The following ZNF366 variants were observed in gnomAD, a reference collection of about 807,000 sequenced individuals.
ZNF366 encodes the protein dendritic cell-specific transcript protein.
A neutral mutation model predicts 47.2 loss-of-function variants in ZNF366; 20 were observed. The observed-to-expected ratio is 0.42, with a 90% CI of 0.30 to 0.62. ZNF366 has a LOEUF of 0.62. ZNF366 is among the 20% of genes least tolerant of loss of function. The pLI, the probability that ZNF366 is intolerant of heterozygous loss-of-function variation, is 0.16. For synonymous variants in ZNF366, 421 were observed against 395.1 expected, an observed-to-expected ratio of 1.07 and a Z score of -0.78; for missense variants, 987 against 976.3, an observed-to-expected ratio of 1.01 and a Z score of -0.15.
chr5:72,452,448 C>A (rs1008720230), intron 3 of ZNF366, among the ~76,000 whole-genome samples: 12 of 152,180 alleles, frequency 7.9e-5, no homozygotes, highest in Non-Finnish European at 1.8e-4. Flanking sequence ...GGCTTTGCTG[C>A]CAAAAGGCTG....
intron 1 of ZNF366, chr5:72,493,684 AT>A (rs1012132012): frequency 6.6e-6 from 1 of 152,178 alleles, no homozygotes; most frequent in African/African-American, 2.4e-5. Context: ...AAATAAACCC[AT>A]TTTGCACATT....
chr5:72,447,295 T>C lies in ZNF366; in HGVS notation c.1647A>G (p.Thr549=). 6.2e-7 allele frequency: 1 copy of C among 1,614,200 alleles called. No homozygotes were observed. Among genetic ancestry groups the C allele is most frequent in the Non-Finnish European group, 8.5e-7 (1 of 1,180,032 alleles). Residue 549 remains threonine, a synonymous_variant, in exon 4 of 5, where the codon ACA becomes ACG. Coordinates refer to ENST00000318442, the MANE Select transcript of ZNF366 (RefSeq NM_152625.3). ...CTCCATGCTTGACTTTCATGTGGCG[T>C]GTCAGGTTCCCCTTCAGGGTGAATT... ...PSKFTLKGNL[T]RHMKVKHGVM...
chr5:72,460,711 G>A lies in ZNF366; in HGVS notation c.786C>T (p.Tyr262=). Residue 262 remains tyrosine, a synonymous_variant, in exon 2 of 5, where the codon TAC becomes TAT. Transcript: ENST00000318442. ...GGGTGACCAGGTTGTACTTGGAGGT[G>A]TAGGACTTCTCGCAGGTGGGGCACT... ...RWQCPTCEKS[Y]TSKYNLVTHI... 1 of 1,614,252 alleles carries A rather than the reference G, an allele frequency of 6.2e-7. No individual in the cohort carries two copies. Among genetic ancestry groups the A allele is most frequent in the Non-Finnish European group, 8.5e-7 (1 of 1,180,038 alleles).
At position 72,501,954 on chromosome 5, in the gene ZNF366, A is replaced by G. The variant is rs150027068; in HGVS notation, c.-15+5297T>C. Among the ~76,000 whole-genome samples, 26 of 152,352 alleles carry G rather than the reference A, an allele frequency of 1.7e-4. 1 individual carries two copies. In the East Asian group the frequency reaches 5.0e-3, roughly 29 times the overall value. On this transcript the variant is annotated intron_variant, in intron 1 of 4. Transcript: ENST00000318442. Reference sequence around the variant, plus strand: ...ATGCACACAACAGCAGAACAAGCCCATATAGTTCCAGTCAATTCAGGTGAG... The same window carrying G: ...ATGCACACAACAGCAGAACAAGCCCGTATAGTTCCAGTCAATTCAGGTGAG...
chr5:72,493,918 CTTTTTTTT>C (rs70999281), intron 1 of ZNF366, among the ~76,000 whole-genome samples: 4 of 62,528 alleles, frequency 6.4e-5, no homozygotes, highest in Non-Finnish European at 8.2e-5. Flanking sequence ...CCATGCCCAG[CTTTTTTTT>C]TTTTTTTTTT....
chr5:72,464,787 G>T (rs776471176), intron 1 of ZNF366, among the ~76,000 whole-genome samples: 1 of 152,248 alleles, frequency 6.6e-6, no homozygotes, highest in South Asian at 2.1e-4. Context: ...TCGGCTGGGC[G>T]CAATGGCTCA....
At position 72,447,395 on chromosome 5, in the gene ZNF366, C is replaced by T. The variant is rs764270932; in HGVS notation, c.1547G>A (p.Arg516Gln). The T allele has an allele frequency of 3.7e-6, 6 of 1,614,022 alleles. No homozygotes were observed. In the Admixed American group the frequency reaches 5.0e-5, roughly 13 times the overall value. The change falls in exon 4 of 5, where the codon CGG (arginine) becomes CAG (glutamine). Residue 516 changes from arginine (R) to glutamine (Q), a missense_variant. Transcript: ENST00000318442. ...KCKLCGKEFN[R>Q]MHNLMGHMHL... is the part of the protein sequence containing the mutation. ...CATGTGGCCCATCAGGTTGTGCATC[C>T]GGTTGAATTCCTTCCCACAAAGCTG...
chr5:72,450,239 A>G (rs960347669), intron 3 of ZNF366, among the ~76,000 whole-genome samples: 19 of 152,222 alleles, frequency 1.2e-4, no homozygotes, highest in African/African-American at 4.8e-5. Flanking sequence ...TACTATTGTG[A>G]CAATGATCAA....
intron 1 of ZNF366, among the ~76,000 whole-genome samples, chr5:72,491,234 A>T (rs1026081362): frequency 6.6e-6 from 1 of 152,256 alleles, no homozygotes; most frequent in Non-Finnish European, 1.5e-5. Context: ...GTGGCCAAAG[A>T]CACATCATTG....
intron 1 of ZNF366, among the ~76,000 whole-genome samples, chr5:72,466,423 A>C (rs1157691651): frequency 6.6e-6 from 1 of 152,218 alleles, no homozygotes; most frequent in African/African-American, 2.4e-5. Context: ...CATTGCCCCG[A>C]ATCTAACATC....
intron 1 of ZNF366, among the ~76,000 whole-genome samples, chr5:72,480,823 CT>C (rs1471013315): frequency 1.3e-5 from 2 of 152,120 alleles, no homozygotes; most frequent in East Asian, 3.9e-4. Flanking sequence ...TTTCTAAAAC[CT>C]TTGGGTTCTC....
chr5:72,464,787 G>A (rs776471176), intron 1 of ZNF366, among the ~76,000 whole-genome samples: 37 of 152,248 alleles, frequency 2.4e-4, no homozygotes, highest in Non-Finnish European at 3.4e-4. Context: ...TCGGCTGGGC[G>A]CAATGGCTCA....
rs1554032904 is a variant in ZNF366, at chr5:72,484,492, A to AAT, written c.-15+22758_-15+22759insAT. ...GAGCGAGACTCCGTCTCAAAAAAAA[A>AAT]AAAAATAATAATAATAATAATAATT... On this transcript the variant is annotated intron_variant, in intron 1 of 4. Transcript: ENST00000318442. 1.1e-3 allele frequency among the ~76,000 whole-genome samples: 165 copies of AAT among 147,802 alleles called. 1 individual carries two copies. Among genetic ancestry groups the AAT allele is most frequent in the East Asian group, 4.1e-3 (21 of 5,152 alleles).
At position 72,506,635 on chromosome 5, in the gene ZNF366, G is replaced by A. The variant is rs1744322371; in HGVS notation, c.-15+616C>T. Among the ~76,000 whole-genome samples, 3 of 152,268 alleles carry A rather than the reference G, an allele frequency of 2.0e-5. No individual in the cohort carries two copies. In the South Asian group the frequency reaches 6.2e-4, roughly 32 times the overall value. Reference sequence around the variant, plus strand: ...TGGCAGATGACATCTTCCACTGACAGTGAATAATAAATTTACACTCAACCC... The same window carrying A: ...TGGCAGATGACATCTTCCACTGACAATGAATAATAAATTTACACTCAACCC... On this transcript the variant is annotated intron_variant, in intron 1 of 4. Transcript: ENST00000318442.
chr5:72,476,697 G>A (rs1441988743), intron 1 of ZNF366, among the ~76,000 whole-genome samples: 1 of 152,176 alleles, frequency 6.6e-6, no homozygotes, highest in Admixed American at 6.5e-5. Context: ...GCTCTCCCCT[G>A]GCAGCAGTGG....
At position 72,460,533 on chromosome 5, in the gene ZNF366, T is replaced by C. The variant is rs775203038; in HGVS notation, c.964A>G (p.Ser322Gly). Reference sequence around the variant, plus strand: ...TGCATCATGTGGCGCTTCAGGTGGCTGGTCTGGGTGAAGGCCTTGTGGCAC... The same window carrying C: ...TGCATCATGTGGCGCTTCAGGTGGCCGGTCTGGGTGAAGGCCTTGTGGCAC... ...QVCHKAFTQTSHLKRHMMQHS... is the reference protein window; with the variant it reads ...QVCHKAFTQTGHLKRHMMQHS... Residue 322 changes from serine to glycine, a missense_variant, in exon 2 of 5, where the codon AGC becomes GGC. Around this residue, in one of 3 missense-constraint regions of ZNF366, gnomAD observed 591 missense variants for 560.9 expected, o/e 1.05. Transcript: ENST00000318442. The C allele has an allele frequency of 6.2e-7, 1 of 1,614,078 alleles. No homozygotes were observed. The highest frequency in any genetic ancestry group is 1.1e-5 in the South Asian group (1 of 91,084).
intron 1 of ZNF366, among the ~76,000 whole-genome samples, chr5:72,495,267 A>C (rs1744091078): frequency 6.6e-6 from 1 of 152,188 alleles, no homozygotes; most frequent in Non-Finnish European, 1.5e-5. Context: ...TTAATAATTA[A>C]AAGGGGCTAA....
At chr5:72,475,906 G>A (rs1743665001) in intron 1 of ZNF366, among the ~76,000 whole-genome samples, 1 of 152,124 alleles carries the variant, frequency 6.6e-6, no homozygotes, top group Non-Finnish European at 1.5e-5. Flanking sequence ...TGAACAAGGA[G>A]CAGGATCTGT....
At chr5:72,453,749 G>A (rs1003963083) in intron 3 of ZNF366, among the ~76,000 whole-genome samples, 1 of 152,230 alleles carries the variant, frequency 6.6e-6, no homozygotes, top group African/African-American at 2.4e-5. Flanking sequence ...ATGGGGACAG[G>A]GAGAGGAAGA....
Sources: gnomAD v4.1 joint callset for allele counts (sites outside exome capture counted in the v4.1 genomes callset) on GRCh38, gnomAD v4.1.1 for gene constraint, gnomAD v4.1.1 regional missense constraint, MANE v1.5 for transcripts, NCBI Gene and HGNC (gene_info 2026-07-23, HGNC 2026-07-21) for gene names.